The following SYT1 variants were observed in gnomAD, a reference collection of about 807,000 sequenced individuals.
The protein encoded by SYT1 is synaptotagmin 1.
A neutral mutation model predicts 44.8 loss-of-function variants in SYT1; 8 were observed. That is an observed-to-expected ratio of 0.18 (90% CI 0.10 to 0.32). The LOEUF is 0.32. Ranked by LOEUF, SYT1 falls within the 10% of genes least tolerant of loss-of-function variation. SYT1 has a pLI of 1.00. For synonymous variants in SYT1, 154 were observed against 188.8 expected (o/e 0.82, Z 1.51); for missense variants, 286 against 509.3 (o/e 0.56, Z 4.22).
At chr12:79,226,399 T>G (rs1244148820) in intron 4 of SYT1, among the ~76,000 whole-genome samples, 1 of 152,162 alleles carries the variant, frequency 6.6e-6, no homozygotes, top group Non-Finnish European at 1.5e-5. Context: ...TTCTCTTGGG[T>G]AATCTCATCT....
chr12:79,367,954 G>A (rs368818616), intron 9 of SYT1, among the ~76,000 whole-genome samples: 13 of 151,646 alleles, frequency 8.6e-5, no homozygotes, highest in East Asian at 3.9e-4. Context: ...TGCACAATGC[G>A]CAGGTTAGTT....
At chr12:79,047,936 T>C (rs1333646341) in intron 3 of SYT1, among the ~76,000 whole-genome samples, 1 of 151,904 alleles carries the variant, frequency 6.6e-6, no homozygotes, top group Non-Finnish European at 1.5e-5. Context: ...TTCCTAAATA[T>C]GTTCTCACTA....
intron 2 of SYT1, among the ~76,000 whole-genome samples, chr12:79,014,434 T>C (rs1260045825): frequency 6.6e-6 from 1 of 152,178 alleles, no homozygotes; most frequent in Non-Finnish European, 1.5e-5. Context: ...AAAGAAGACA[T>C]TTATGCAGCC....
At position 79,423,927 on chromosome 12, in the gene SYT1, GA is replaced by G. The variant is rs376084498; in HGVS notation, c.929-20140del. 4.4e-4 allele frequency among the ~76,000 whole-genome samples: 67 copies of G among 151,018 alleles called. 2 individuals carry two copies. Among genetic ancestry groups the G allele is most frequent in the African/African-American group, 1.6e-3 (66 of 41,146 alleles). On this transcript the variant is annotated intron_variant, in intron 9 of 10. Coordinates refer to ENST00000261205, the MANE Select transcript of SYT1 (RefSeq NM_005639.3). ...GCACCTGGATCTATTAACCTAAATA[GA>G]AAAAAGAAATAACCAAATACTTGTT...
intron 3 of SYT1, among the ~76,000 whole-genome samples, chr12:79,159,483 G>C (rs1381373045): frequency 6.6e-6 from 1 of 152,148 alleles, no homozygotes; most frequent in East Asian, 1.9e-4. Context: ...GAGAGAGACA[G>C]AGAGATAGAC....
chr12:79,080,611 TA>T (rs1280221512), intron 3 of SYT1, among the ~76,000 whole-genome samples: 1 of 152,130 alleles, frequency 6.6e-6, no homozygotes, highest in Admixed American at 6.6e-5. Context: ...GGGTTGAATA[TA>T]TAGGTTTTAT....
chr12:79,186,132 T>C (rs567389736), intron 3 of SYT1, among the ~76,000 whole-genome samples: 5 of 152,150 alleles, frequency 3.3e-5, no homozygotes, highest in African/African-American at 1.2e-4. Flanking sequence ...CATGTGATTT[T>C]CTGGTATCTT....
chr12:78,885,130 CT>C (rs1874660461), intron 1 of SYT1, among the ~76,000 whole-genome samples: 2 of 151,948 alleles, frequency 1.3e-5, no homozygotes, highest in African/African-American at 4.8e-5. Flanking sequence ...TCAAAAATCT[CT>C]GAGCATTAGT....
At chr12:79,204,362 T>C (rs1019237233) in intron 3 of SYT1, among the ~76,000 whole-genome samples, 23 of 152,258 alleles carry the variant, frequency 1.5e-4, no homozygotes, top group Non-Finnish European at 1.0e-4. Flanking sequence ...GACAAAACAA[T>C]GACTGTTTGA....
At position 79,449,202 on chromosome 12, in the gene SYT1, T is replaced by C. The variant is rs1281968416; in HGVS notation, c.*78T>C. ...TCTGTAAATACCTCAGTAATATGGG[T>C]CCTTTCATTTTTCCAGCCATGCATT... is the stretch of plus-strand genomic sequence containing the variant. On this transcript the variant is annotated 3_prime_UTR_variant, in exon 11 of 11. Coordinates refer to ENST00000261205, the MANE Select transcript of SYT1 (RefSeq NM_005639.3). 7.1e-7 allele frequency: 1 copy of C among 1,405,130 alleles called. No individual in the cohort carries two copies. Among genetic ancestry groups the C allele is most frequent in the Admixed American group, 2.2e-5 (1 of 45,142 alleles). The allele number at this position is 1,405,130 out of a possible 1,614,324, so 87.0% of individuals were successfully genotyped here. A position where few individuals can be genotyped will look rare whatever the true frequency, so the allele number is the denominator to read the frequency against.
chr12:79,122,125 A>G (rs1004534267), intron 3 of SYT1, among the ~76,000 whole-genome samples: 2 of 152,244 alleles, frequency 1.3e-5, no homozygotes, highest in Admixed American at 1.3e-4. Context: ...CATCTTGAGT[A>G]AACTCTCATT....
intron 2 of SYT1, among the ~76,000 whole-genome samples, chr12:78,996,308 C>G (rs971998749): frequency 4.6e-5 from 7 of 152,158 alleles, no homozygotes; most frequent in African/African-American, 1.7e-4. Context: ...ATGATTTTGC[C>G]TTAGAAAAAT....
chr12:79,023,646 A>G, intron 2 of SYT1, among the ~76,000 whole-genome samples: 1 of 152,006 alleles, frequency 6.6e-6, no homozygotes, highest in Non-Finnish European at 1.5e-5. Flanking sequence ...ACAATAATAC[A>G]TTCATTATTA....
At chr12:79,015,136 C>T (rs1002655207) in intron 2 of SYT1, among the ~76,000 whole-genome samples, 1 of 151,836 alleles carries the variant, frequency 6.6e-6, no homozygotes. Context: ...GGGTGCAGCA[C>T]ACCAGCATGG....
intron 1 of SYT1, among the ~76,000 whole-genome samples, chr12:78,877,072 T>G (rs1874210717): frequency 6.7e-6 from 1 of 148,632 alleles, no homozygotes. Flanking sequence ...GAATATTTTA[T>G]AGAATATTTA....
intron 9 of SYT1, among the ~76,000 whole-genome samples, chr12:79,430,777 C>T (rs896888889): frequency 2.6e-5 from 4 of 152,310 alleles, no homozygotes; most frequent in African/African-American, 9.6e-5. Flanking sequence ...CAGAGCAAGA[C>T]TCTTGTCTCA....
intron 1 of SYT1, among the ~76,000 whole-genome samples, chr12:78,896,054 C>T (rs1457445461): frequency 6.6e-6 from 1 of 151,702 alleles, no homozygotes; most frequent in Non-Finnish European, 1.5e-5. Context: ...GGATCAATTT[C>T]TGGCATATAG....
chr12:79,083,684 A>G (rs1877190166), intron 3 of SYT1, among the ~76,000 whole-genome samples: 1 of 152,180 alleles, frequency 6.6e-6, no homozygotes, highest in Non-Finnish European at 1.5e-5. Flanking sequence ...TATATTGTTT[A>G]TATAGATATC....
At chr12:79,053,424 G>A (rs1387183336) in intron 3 of SYT1, among the ~76,000 whole-genome samples, 2 of 151,836 alleles carry the variant, frequency 1.3e-5, no homozygotes, top group African/African-American at 4.8e-5. Context: ...GAGTTAATGG[G>A]TGCAGCACAC....
Sources: gnomAD v4.1 joint callset for allele counts (sites outside exome capture counted in the v4.1 genomes callset) on GRCh38, gnomAD v4.1.1 for gene constraint, MANE v1.5 for transcripts, NCBI Gene and HGNC (gene_info 2026-07-23, HGNC 2026-07-21) for gene names.